Variants in FAT3 observed in about 807,000 individuals in gnomAD.
FAT3 encodes the protein protocadherin Fat 3.
FAT3 carries 95 observed loss-of-function variants against 310.2 expected under a neutral mutation model. The observed-to-expected ratio is 0.31, with a 90% CI of 0.26 to 0.36. The LOEUF is 0.36. Among genes scored for constraint, FAT3 ranks in the 10% least tolerant of loss-of-function variants. The pLI is 1.00. For synonymous variants in FAT3, 2,314 were observed against 2,192.9 expected, an observed-to-expected ratio of 1.06 and a Z score of -1.54; for missense variants, 5,408 against 5,715.6, an observed-to-expected ratio of 0.95 and a Z score of 1.74.
intron 2 of FAT3, among the ~76,000 whole-genome samples, chr11:92,413,803 T>C (rs974188612): frequency 6.7e-4 from 102 of 152,218 alleles, no homozygotes; most frequent in Admixed American, 1.3e-4. Flanking sequence ...TCCATATATG[T>C]TGACAGGCGG....
intron 2 of FAT3, among the ~76,000 whole-genome samples, chr11:92,433,859 A>G (rs1950859529): frequency 6.6e-6 from 1 of 151,230 alleles, no homozygotes; most frequent in Non-Finnish European, 1.5e-5. Flanking sequence ...AAAAAAAAAT[A>G]CAAAAAATTA....
chr11:92,741,040 G>A (rs757223684), intron 4 of FAT3, among the ~76,000 whole-genome samples: 2 of 151,724 alleles, frequency 1.3e-5, no homozygotes, highest in Non-Finnish European at 2.9e-5. Context: ...AACTCAGAAA[G>A]ATATATATAT....
chr11:92,866,300 T>A (rs1949245457), intron 21 of FAT3, among the ~76,000 whole-genome samples: 1 of 152,178 alleles, frequency 6.6e-6, no homozygotes, highest in Non-Finnish European at 1.5e-5. Context: ...ACTCAGATGA[T>A]CTCCTTGGCA....
intron 27 of FAT3, 87 bp from the exon 28 acceptor site, chr11:92,890,404 C>A (rs749206020): frequency 6.9e-7 from 1 of 1,447,342 alleles, no homozygotes; most frequent in Non-Finnish European, 9.2e-7. Context: ...CTAAAAATTG[C>A]ATGTCAGGTC....
intron 2 of FAT3, among the ~76,000 whole-genome samples, chr11:92,414,885 C>T (rs527401492): frequency 1.2e-4 from 18 of 152,138 alleles, no homozygotes; most frequent in African/African-American, 4.3e-4. Flanking sequence ...TGGCAGGCGC[C>T]TGTAGTCCCA....
At chr11:92,486,301 T>A (rs570484) in intron 2 of FAT3, among the ~76,000 whole-genome samples, 13,735 of 151,800 alleles carry the variant, frequency 0.09, 764 homozygotes, top group Admixed American at 0.12. Flanking sequence ...TTCTGCCTGT[T>A]TTTTTACTAA....
chr11:92,312,067 A>G (rs558669353), intron 1 of FAT3, among the ~76,000 whole-genome samples: 2 of 152,188 alleles, frequency 1.3e-5, no homozygotes, highest in Admixed American at 6.5e-5. Context: ...GTTACTTAAA[A>G]TGTCAACTGT....
intron 1 of FAT3, among the ~76,000 whole-genome samples, chr11:92,344,726 A>T (rs576126250): frequency 3.3e-5 from 5 of 152,170 alleles, no homozygotes; most frequent in Non-Finnish European, 7.3e-5. Context: ...ACAGTGTGTG[A>T]TAAGTGCTTA....
chr11:92,459,880 C>G (rs1173993309), intron 2 of FAT3, among the ~76,000 whole-genome samples: 1 of 151,974 alleles, frequency 6.6e-6, no homozygotes, highest in Non-Finnish European at 1.5e-5. Flanking sequence ...TGATCTTTAA[C>G]TTTGCATGCC....
chr11:92,499,723 ATGTGTGTGTG>A (rs61267708), intron 2 of FAT3, among the ~76,000 whole-genome samples: 1 of 127,748 alleles, frequency 7.8e-6, no homozygotes, highest in East Asian at 2.7e-4. Flanking sequence ...ATGTGTGTGT[ATGTGTGTGTG>A]TGTGTGTGTG....
chr11:92,659,966 C>T (rs1942721920), intron 3 of FAT3, among the ~76,000 whole-genome samples: 1 of 152,128 alleles, frequency 6.6e-6, no homozygotes, highest in Non-Finnish European at 1.5e-5. Context: ...ATTTAGAGCC[C>T]TTTCTTGTGG....
intron 3 of FAT3, among the ~76,000 whole-genome samples, chr11:92,629,547 A>T (rs762904228): frequency 1.3e-5 from 2 of 151,704 alleles, no homozygotes; most frequent in Non-Finnish European, 2.9e-5. Context: ...AGTAGCTAGG[A>T]CTATAGGCAC....
intron 7 of FAT3, among the ~76,000 whole-genome samples, chr11:92,786,640 T>C (rs1946900745): frequency 6.6e-6 from 1 of 152,142 alleles, no homozygotes; most frequent in Non-Finnish European, 1.5e-5. Flanking sequence ...AACATTCTTA[T>C]ATATTATTAT....
chr11:92,728,583 G>A (rs544669887), intron 4 of FAT3, among the ~76,000 whole-genome samples: 1 of 152,118 alleles, frequency 6.6e-6, no homozygotes, highest in Non-Finnish European at 1.5e-5. Context: ...ATTACCACAA[G>A]CTTGTTGGCT....
chr11:92,508,658 A>G (rs1953192933), intron 2 of FAT3, among the ~76,000 whole-genome samples: 1 of 152,176 alleles, frequency 6.6e-6, no homozygotes. Context: ...CATATGCACC[A>G]AGGATTTGCC....
intron 2 of FAT3, among the ~76,000 whole-genome samples, chr11:92,401,548 A>C (rs1271953112): frequency 6.6e-6 from 1 of 152,170 alleles, no homozygotes; most frequent in African/African-American, 2.4e-5. Flanking sequence ...GGCAGAAATA[A>C]AGCTCTACCT....
intron 23 of FAT3, among the ~76,000 whole-genome samples, 195 bp from the exon 24 acceptor site, chr11:92,882,543 G>A (rs771149258): frequency 1.1e-4 from 16 of 145,820 alleles, no homozygotes; most frequent in Non-Finnish European, 1.8e-4. Context: ...GTGATGACTT[G>A]GGGACCACAG....
chr11:92,611,462 C>T (rs1940558540), intron 3 of FAT3, among the ~76,000 whole-genome samples: 1 of 152,004 alleles, frequency 6.6e-6, no homozygotes, highest in Non-Finnish European at 1.5e-5. Context: ...GGCTAGAATA[C>T]AGTGGTGTGA....
chr11:92,621,953 C>T (rs1220439907), intron 3 of FAT3, among the ~76,000 whole-genome samples: 1 of 152,048 alleles, frequency 6.6e-6, no homozygotes. Context: ...TAACAACCCA[C>T]GTAATTCGAA....
Sources: allele counts gnomAD v4.1 joint callset (sites outside exome capture counted in the v4.1 genomes callset), GRCh38; gene constraint gnomAD v4.1.1; transcripts MANE v1.5; gene names NCBI Gene and HGNC (gene_info 2026-07-23, HGNC 2026-07-21).